The following SGCD variants were observed in gnomAD, a reference collection of about 807,000 sequenced individuals.
SGCD encodes the protein sarcoglycan delta, also known as delta-sarcoglycan.
SGCD carries 18 observed loss-of-function variants against 36.6 expected under a neutral mutation model. That is an observed-to-expected ratio of 0.49 (90% CI 0.34 to 0.73). SGCD has a LOEUF of 0.73. Among genes scored for constraint, SGCD ranks in the 30% least tolerant of loss-of-function variants. SGCD has a pLI of 0.01. For missense variants in SGCD, 387 were observed against 346.7 expected, an observed-to-expected ratio of 1.12 and a Z score of -0.92; for synonymous variants, 133 against 130.6, an observed-to-expected ratio of 1.02 and a Z score of -0.12.
chr5:156,543,478 TAGGG>T (rs1245531731), intron 4 of SGCD, among the ~76,000 whole-genome samples: 10 of 152,264 alleles, frequency 6.6e-5, no homozygotes, highest in Middle Eastern at 3.4e-3. Flanking sequence ...ATGTTGCTGT[TAGGG>T]AGGGCATGTG....
chr5:156,642,212 G>A (rs1172468414), intron 6 of SGCD, among the ~76,000 whole-genome samples: 7 of 151,942 alleles, frequency 4.6e-5, no homozygotes, highest in Admixed American at 6.6e-5. Context: ...TTTCCCAAAC[G>A]CCCCACCTCC....
intron 1 of SGCD, among the ~76,000 whole-genome samples, chr5:156,021,616 A>T (rs1270565732): frequency 6.6e-6 from 1 of 152,218 alleles, no homozygotes; most frequent in African/African-American, 2.4e-5. Context: ...GGAAAGTCAC[A>T]TGAAAGCTGC....
Position 156,631,578 on chromosome 5 carries a change from G to A in SGCD, c.503-15886G>A, listed in dbSNP as rs577227555. 2.3e-4 allele frequency among the ~76,000 whole-genome samples: 35 copies of A among 150,852 alleles called. 1 individual carries two copies. In the South Asian group the frequency reaches 5.5e-3, roughly 23 times the overall value. ...TTTTTTTCTGTTTGTAGGGATAGAG[G>A]AAAAAACTATTAAAGGCTCACAAAA... On this transcript the variant is annotated intron_variant, in intron 6 of 8. Coordinates refer to ENST00000337851, the MANE Select transcript of SGCD (RefSeq NM_000337.6).
At chr5:156,309,811 T>C (rs1002042096) in intron 3 of SGCD, among the ~76,000 whole-genome samples, 6 of 152,044 alleles carry the variant, frequency 3.9e-5, no homozygotes, top group African/African-American at 2.4e-5. Flanking sequence ...TTTAAGACAG[T>C]TGTTTTAAAG....
At chr5:155,740,110 T>C in the SGCD span, among the ~76,000 whole-genome samples, 2 of 152,200 alleles carry the variant, frequency 1.3e-5, no homozygotes, top group Non-Finnish European at 2.9e-5. Context: ...TTTATTTGTT[T>C]ATTTTAGAGA....
At chr5:156,252,646 G>A (rs1048366032) in intron 3 of SGCD, among the ~76,000 whole-genome samples, 3 of 152,212 alleles carry the variant, frequency 2.0e-5, no homozygotes, top group African/African-American at 7.2e-5. Flanking sequence ...GAAAGCAATA[G>A]TGGCCCCATT....
At chr5:156,068,688 G>A (rs1359501353) in intron 1 of SGCD, among the ~76,000 whole-genome samples, 7 of 151,762 alleles carry the variant, frequency 4.6e-5, no homozygotes, top group Non-Finnish European at 8.8e-5. Flanking sequence ...GATCCCTCAG[G>A]AATCGCCACA....
intron 3 of SGCD, among the ~76,000 whole-genome samples, chr5:156,171,930 C>A (rs1368831594): frequency 1.3e-5 from 2 of 151,982 alleles, no homozygotes; most frequent in African/African-American, 4.8e-5. Context: ...GGAGTAGGTG[C>A]AATTTGATCT....
intron 1 of SGCD, among the ~76,000 whole-genome samples, chr5:155,906,381 T>A (rs577105078): frequency 1.3e-5 from 2 of 152,138 alleles, no homozygotes; most frequent in African/African-American, 4.8e-5. Flanking sequence ...ACATTTTAAA[T>A]CAAAAGCTAG....
At chr5:156,498,250 A>T (rs543546529) in intron 3 of SGCD, among the ~76,000 whole-genome samples, 1 of 128,780 alleles carries the variant, frequency 7.8e-6, no homozygotes. Context: ...TGTGAACGTC[A>T]TATTTCTCTT....
chr5:156,120,267 A>C (rs913962917), intron 2 of SGCD, among the ~76,000 whole-genome samples: 1 of 152,064 alleles, frequency 6.6e-6, no homozygotes, highest in Non-Finnish European at 1.5e-5. Flanking sequence ...GTGGGAGGTG[A>C]GGAGCAAAGT....
intron 2 of SGCD, among the ~76,000 whole-genome samples, chr5:156,341,309 CT>C (rs1031533279): frequency 6.6e-6 from 1 of 152,058 alleles, no homozygotes; most frequent in Non-Finnish European, 1.5e-5. Flanking sequence ...AGGAACTCCA[CT>C]TTTTTTATTT....
chr5:156,033,351 A>ATACT (rs1241548885), intron 1 of SGCD, among the ~76,000 whole-genome samples: 1 of 152,150 alleles, frequency 6.6e-6, no homozygotes, highest in East Asian at 1.9e-4. Context: ...AGTGAACACT[A>ATACT]TACTTAATAG....
chr5:156,526,441 C>A (rs962477565), intron 4 of SGCD, among the ~76,000 whole-genome samples: 4 of 152,162 alleles, frequency 2.6e-5, no homozygotes, highest in Non-Finnish European at 5.9e-5. Context: ...GAACACACTG[C>A]ACACAAAACA....
chr5:156,195,372 A>T (rs981654402), intron 3 of SGCD, among the ~76,000 whole-genome samples: 1 of 152,206 alleles, frequency 6.6e-6, no homozygotes, highest in Non-Finnish European at 1.5e-5. Context: ...TTTTATTCTA[A>T]AAATTCCTTC....
At chr5:156,423,237 T>TTTTATTATAATATAA (rs1773446249) in intron 3 of SGCD, among the ~76,000 whole-genome samples, 63 of 1,198 alleles carry the variant, frequency 0.053, no homozygotes, top group South Asian at 0.088. Flanking sequence ...TTGTATTATA[T>TTTTATTATAATATAA]TATATTTTAT....
intron 3 of SGCD, among the ~76,000 whole-genome samples, chr5:156,177,094 T>C (rs1581148781): frequency 6.6e-6 from 1 of 152,180 alleles, no homozygotes; most frequent in Non-Finnish European, 1.5e-5. Context: ...CTCCGCCTCC[T>C]GGGTTCCAGC....
chr5:155,736,703 C>A, the SGCD span, among the ~76,000 whole-genome samples: 1 of 152,158 alleles, frequency 6.6e-6, no homozygotes, highest in South Asian at 2.1e-4. Context: ...CCACTACCAC[C>A]TCCTCCTCCT....
chr5:156,385,061 C>A (rs1469516859), intron 3 of SGCD, among the ~76,000 whole-genome samples: 2 of 152,188 alleles, frequency 1.3e-5, no homozygotes, highest in Admixed American at 1.3e-4. Context: ...CCATTAAAAT[C>A]ATCAAGAGAC....
Sources: allele counts gnomAD v4.1 joint callset (sites outside exome capture counted in the v4.1 genomes callset), GRCh38; gene constraint gnomAD v4.1.1; transcripts MANE v1.5; gene names NCBI Gene and HGNC (gene_info 2026-07-23, HGNC 2026-07-21).